Variants in WDR41 observed in about 807,000 individuals in gnomAD.
WDR41 encodes WD repeat domain 41, also known as WD repeat-containing protein 41.
A neutral mutation model predicts 69.3 loss-of-function variants in WDR41; 63 were observed. The ratio of observed to expected loss-of-function variants is 0.91; its 90% CI spans 0.74 to 1.12. The LOEUF is 1.12. Ranked by LOEUF, WDR41 falls within the 50% of genes most tolerant of loss-of-function variation. WDR41 has a pLI of 0.00. For missense variants in WDR41, 543 were observed against 534.5 expected (o/e 1.02, Z -0.16); for synonymous variants, 185 against 192.1 (o/e 0.96, Z 0.31).
exon 1 of WDR41, chr5:77,620,562 G>A (rs1353696158): frequency 6.6e-6 from 3 of 454,072 alleles, no homozygotes; most frequent in Middle Eastern, 3.2e-4. Flanking sequence ...CCTGGTCTGT[G>A]TACCTGCGCT....
intron 1 of WDR41, among the ~76,000 whole-genome samples, chr5:77,579,627 A>G (rs1743901380): frequency 6.6e-6 from 1 of 152,210 alleles, no homozygotes; most frequent in African/African-American, 2.4e-5. Context: ...AGAAAACAGA[A>G]ACTGAGAAAA....
At chr5:77,437,663 A>C (rs996012057) in intron 10 of WDR41, among the ~76,000 whole-genome samples, 1 of 152,210 alleles carries the variant, frequency 6.6e-6, no homozygotes, top group East Asian at 1.9e-4. Flanking sequence ...CCATTTAAAA[A>C]AATGCCCTTG....
At chr5:77,537,764 T>C (rs553436293) in intron 1 of WDR41, among the ~76,000 whole-genome samples, 39 of 152,250 alleles carry the variant, frequency 2.6e-4, no homozygotes, top group African/African-American at 8.7e-4. Context: ...ATCAAGAATA[T>C]AGAAAATAAG....
intron 1 of WDR41, among the ~76,000 whole-genome samples, chr5:77,574,417 A>C (rs1743790206): frequency 1.3e-5 from 2 of 152,208 alleles, no homozygotes; most frequent in Non-Finnish European, 2.9e-5. Context: ...GAGACATATC[A>C]GGTGTGCAGC....
intron 1 of WDR41, among the ~76,000 whole-genome samples, chr5:77,594,185 T>G (rs4579237): frequency 0.12 from 17,324 of 147,176 alleles, 2,133 homozygotes; most frequent in African/African-American, 0.3. Context: ...AAACACCGCA[T>G]GTTCTCACTC....
At position 77,618,501 on chromosome 5, in the gene WDR41, C is replaced by A. The variant is rs558362589; in HGVS notation, c.42+1978G>T. Among the ~76,000 whole-genome samples, 4 of 152,146 alleles carry A rather than the reference C, an allele frequency of 2.6e-5. No individual in the cohort carries two copies. The East Asian group carries it at 7.8e-4, about 29-fold the overall frequency. On this transcript the variant is annotated intron_variant, in intron 1 of 5. Transcript: ENST00000509971. ...GATTCTCCTGCCTCAGCCTCCCAAG[C>A]AGCTGTGATTACAGGCGCACACCAC... is the stretch of plus-strand genomic sequence containing the variant.
intron 1 of WDR41, among the ~76,000 whole-genome samples, chr5:77,529,375 G>A (rs1802491578): frequency 6.6e-6 from 1 of 151,296 alleles, no homozygotes; most frequent in Non-Finnish European, 1.5e-5. Context: ...AAACTTTAAA[G>A]GTTTAAATAA....
Position 77,440,858 on chromosome 5 carries a change from T to C in WDR41, c.837A>G (p.Gln279=). 6.2e-7 allele frequency: 1 copy of C among 1,614,218 alleles called. No individual in the cohort carries two copies. The highest frequency in any genetic ancestry group is 1.3e-5 in the African/African-American group (1 of 75,060). ...LDTQQEIKLC[Q]KSNDISIHHF... The stretch of plus-strand genomic sequence containing the variant: ...GATGAATAGAAATGTCATTTGATTT[T>C]TGACAGAGTTTTATTTCTTGTTGGG... Residue 279 remains glutamine, a synonymous_variant, in exon 9 of 13, where the codon CAA becomes CAG. Coordinates refer to ENST00000296679, the MANE Select transcript of WDR41 (RefSeq NM_018268.4).
At position 77,492,203 on chromosome 5, in the gene WDR41, G is replaced by A. The variant is rs370951099; in HGVS notation, c.18C>T (p.Ile6=). 2.5e-6 allele frequency: 4 copies of A among 1,612,250 alleles called. No homozygotes were observed. In the East Asian group the frequency reaches 6.7e-5, roughly 27 times the overall value. MLRWL[I]GGGREPQGLA... ...GTCCCTGCGGTTCTCGGCCTCCCCC[G>A]ATCAGCCATCGCAACATCCGGGCAG... The change falls in exon 1 of 13, where the codon ATC becomes ATT. Residue 6 remains isoleucine, a synonymous_variant. Coordinates refer to ENST00000296679, the MANE Select transcript of WDR41 (RefSeq NM_018268.4).
intron 1 of WDR41, among the ~76,000 whole-genome samples, chr5:77,552,178 T>G (rs1743312917): frequency 6.6e-6 from 1 of 150,886 alleles, no homozygotes; most frequent in Admixed American, 6.6e-5. Context: ...AATAAAATTG[T>G]CAAAATAAAT....
rs1799026115 is a variant in WDR41 at position 77,438,313 on chromosome 5, T to C, written c.931A>G (p.Met311Val). 2 of 1,614,086 alleles carry C rather than the reference T, an allele frequency of 1.2e-6. No homozygotes were observed. Among genetic ancestry groups the C allele is most frequent in the East Asian group, 4.5e-5 (2 of 44,874 alleles). ...TTCTGGCAGGCAATCACACGCTTCA[T>C]TTGAAGGCTATACACGTATAAACCC... ...GRGLYVYSLQ[M>V]KRVIACQKTA... is the part of the protein sequence containing the mutation. The change falls in exon 10 of 13, where the codon ATG becomes GTG. Residue 311 changes from methionine (M) to valine (V), a missense_variant. By Grantham distance (21) the Met-to-Val change is conservative. Coordinates refer to ENST00000296679, the MANE Select transcript of WDR41 (RefSeq NM_018268.4).
At chr5:77,553,929 C>T (rs1003531283) in intron 1 of WDR41, among the ~76,000 whole-genome samples, 1 of 152,150 alleles carries the variant, frequency 6.6e-6, no homozygotes, top group Non-Finnish European at 1.5e-5. Flanking sequence ...CCAATAATTG[C>T]ACTTCTGGAC....
chr5:77,441,872 C>T (rs1799181035), intron 8 of WDR41, among the ~76,000 whole-genome samples: 1 of 116,632 alleles, frequency 8.6e-6, no homozygotes, highest in East Asian at 2.4e-4. Flanking sequence ...AAGATAAATA[C>T]AGCAGAAAAA....
upstream of WDR41, among the ~76,000 whole-genome samples, chr5:77,492,819 C>T (rs1191466311): frequency 6.6e-6 from 1 of 152,200 alleles, no homozygotes; most frequent in Non-Finnish European, 1.5e-5. Flanking sequence ...AGCTACTGTG[C>T]TAAGGCTTTA....
intron 1 of WDR41, among the ~76,000 whole-genome samples, chr5:77,529,359 TA>T (rs944956389): frequency 1.3e-5 from 2 of 151,230 alleles, no homozygotes; most frequent in African/African-American, 4.8e-5. Flanking sequence ...CTATTACTGA[TA>T]AAAAAAACTT....
intron 1 of WDR41, among the ~76,000 whole-genome samples, chr5:77,527,717 AAGAACTGATATGAGAC>A: frequency 6.6e-6 from 1 of 151,916 alleles, no homozygotes; most frequent in East Asian, 1.9e-4. Flanking sequence ...ACGAATTTCA[AAGAACTGATATGAGAC>A]AGAGTATGTT....
chr5:77,567,916 T>G (rs1743663707), intron 1 of WDR41, among the ~76,000 whole-genome samples: 1 of 151,556 alleles, frequency 6.6e-6, no homozygotes, highest in African/African-American at 2.4e-5. Context: ...ATGGACCACA[T>G]GTTGAAAATC....
chr5:77,453,749 C>G, intron 6 of WDR41, 68 bp downstream of exon 6: 8 of 1,288,934 alleles, frequency 6.2e-6, no homozygotes, highest in Non-Finnish European at 9.0e-6. Context: ...TATGGAAAGT[C>G]TCTCTGAAGA....
intron 1 of WDR41, among the ~76,000 whole-genome samples, chr5:77,576,097 A>G (rs1423602499): frequency 6.6e-6 from 1 of 152,160 alleles, no homozygotes; most frequent in Non-Finnish European, 1.5e-5. Context: ...ACTTCATAGC[A>G]TGTCTTACAC....
Sources: allele counts gnomAD v4.1 joint callset (sites outside exome capture counted in the v4.1 genomes callset), GRCh38; gene constraint gnomAD v4.1.1; transcripts MANE v1.5; gene names NCBI Gene and HGNC (gene_info 2026-07-23, HGNC 2026-07-21).